Variants in ABL1 observed in about 807,000 individuals in gnomAD.
The protein encoded by ABL1 is tyrosine-protein kinase ABL1.
In ABL1, 11 loss-of-function variants were observed where a neutral mutation model predicts 94.7. The observed-to-expected ratio is 0.12, with a 90% CI of 0.07 to 0.19. The LOEUF (loss-of-function observed/expected upper bound fraction) is 0.19, where lower values mean the gene tolerates loss of function less well. ABL1 is among the 10% of genes least tolerant of loss of function. The pLI, the probability that ABL1 is intolerant of heterozygous loss-of-function variation, is 1.00. For missense variants in ABL1, 1,082 were observed against 1,489.4 expected (o/e 0.73, Z 4.50); for synonymous variants, 656 against 622.4 (o/e 1.05, Z -0.80).
At chr9:130,851,687 A>G (rs1292267042) in intron 1 of ABL1, among the ~76,000 whole-genome samples, 1 of 151,854 alleles carries the variant, frequency 6.6e-6, no homozygotes, top group Non-Finnish European at 1.5e-5. Flanking sequence ...AAACTAAAAC[A>G]ATTTTGTTAC....
rs550748146 is a variant in ABL1, at chr9:130,721,341, G to A, written c.136+6886G>A. On this transcript the variant is annotated intron_variant, in intron 1 of 10. Coordinates refer to the ABL1 transcript ENST00000372348. Reference sequence around the variant, plus strand: ...TGCAGTGAGCCAAGATCATGCCACCGCACTCCAGCCTGGGTGACAGAGCAA... The same window carrying A: ...TGCAGTGAGCCAAGATCATGCCACCACACTCCAGCCTGGGTGACAGAGCAA... 7.2e-5 allele frequency among the ~76,000 whole-genome samples: 11 copies of A among 152,200 alleles called. No individual in the cohort carries two copies. In the South Asian group the frequency reaches 1.2e-3, roughly 17 times the overall value.
At chr9:130,740,421 A>G (rs1035183809) in intron 1 of ABL1, among the ~76,000 whole-genome samples, 2 of 152,214 alleles carry the variant, frequency 1.3e-5, no homozygotes. Context: ...AAAGATTCCA[A>G]AGGCGCCCCA....
intron 1 of ABL1, among the ~76,000 whole-genome samples, chr9:130,723,740 A>G (rs1015001800): frequency 1.3e-5 from 2 of 152,036 alleles, no homozygotes; most frequent in Non-Finnish European, 2.9e-5. Flanking sequence ...AGTATTTCCT[A>G]ATAGTTTTAT....
chr9:130,812,200 C>CAAAAAAAAAAAAAAAAAAAAA (rs35352789), intron 1 of ABL1, among the ~76,000 whole-genome samples: 1 of 48,776 alleles, frequency 2.1e-5, no homozygotes, highest in African/African-American at 6.3e-5. Context: ...TCCATCTCTA[C>CAAAAAAAAAAAAAAAAAAAAA]AAAAAAAAAA....
chr9:130,883,818 GTT>G, intron 10 of ABL1, 149 bp from the exon 11 acceptor site: 1 of 921,736 alleles, frequency 1.1e-6, no homozygotes. Context: ...CAATTTTTTT[GTT>G]TGTTTGTTTG....
intron 1 of ABL1, among the ~76,000 whole-genome samples, chr9:130,747,335 A>G (rs1831900223): frequency 1.3e-5 from 2 of 151,920 alleles, no homozygotes; most frequent in Non-Finnish European, 2.9e-5. Flanking sequence ...CCAAGATTGC[A>G]CCACTGTGCT....
rs558825603 is a variant in ABL1 at position 130,782,729 on chromosome 9, G to A, written c.136+68274G>A. ...TAGCTGCTGCTGCTGCCGCTGTGGT[G>A]GTGACTGTCCTTGCTAAGATGCTGC... On this transcript the variant is annotated intron_variant, in intron 1 of 10. Transcript: ENST00000372348. Among the ~76,000 whole-genome samples the A allele has an allele frequency of 6.6e-5, 10 of 152,294 alleles. No individual in the cohort carries two copies. In the East Asian group the frequency reaches 1.5e-3, roughly 24 times the overall value.
At chr9:130,819,705 C>CT (rs945277209) in intron 1 of ABL1, among the ~76,000 whole-genome samples, 2 of 150,188 alleles carry the variant, frequency 1.3e-5, no homozygotes, top group Non-Finnish European at 3.0e-5. Flanking sequence ...TGCCCGGCTA[C>CT]TTTTTTTTTG....
chr9:130,837,287 T>C (rs1221663702), intron 1 of ABL1, among the ~76,000 whole-genome samples: 2 of 152,212 alleles, frequency 1.3e-5, no homozygotes, highest in African/African-American at 2.4e-5. Flanking sequence ...ACATTCTCAT[T>C]TACATCTGTA....
Position 130,884,672 on chromosome 9 carries a change from T to C in ABL1, c.2382T>C (p.Ala794=), listed in dbSNP as rs1171087746. The C allele has an allele frequency of 1.2e-6, 2 of 1,612,936 alleles. No individual in the cohort carries two copies. The highest frequency in any genetic ancestry group is 8.5e-7 in the Non-Finnish European group (1 of 1,180,006). Residue 794 remains alanine, a synonymous_variant, in exon 11 of 11, where the codon GCT becomes GCC. Coordinates refer to ENST00000318560, the MANE Select transcript of ABL1 (RefSeq NM_005157.6). This position sits in a 1 kb window ranked among gnomAD's most constrained non-coding sequence, Gnocchi z 5.6. ...TGGTGAAAAAGAATGAGGAAGCTGCTGATGAGGTCTTCAAAGACATCATGG... is the reference window on the plus strand; with the variant it reads ...TGGTGAAAAAGAATGAGGAAGCTGCCGATGAGGTCTTCAAAGACATCATGG... ...PRLVKKNEEA[A]DEVFKDIMES...
At chr9:130,806,789 T>G (rs1830132050) in intron 1 of ABL1, among the ~76,000 whole-genome samples, 1 of 152,254 alleles carries the variant, frequency 6.6e-6, no homozygotes, top group Non-Finnish European at 1.5e-5. Context: ...CTTTATTTTT[T>G]TAACATAACA....
chr9:130,746,087 CACTT>C (rs1366461183), intron 1 of ABL1, among the ~76,000 whole-genome samples: 3 of 152,180 alleles, frequency 2.0e-5, no homozygotes, highest in Admixed American at 6.5e-5. Flanking sequence ...CTCAGCTGCT[CACTT>C]ACTAACAGTA....
intron 3 of ABL1, among the ~76,000 whole-genome samples, chr9:130,858,656 C>T (rs546146933): frequency 7.2e-5 from 11 of 152,236 alleles, no homozygotes; most frequent in East Asian, 3.9e-4. Context: ...TGTGGCTCGC[C>T]GCTGAAAAAT....
In ABL1 at chr9:130,884,365, C is replaced by T. The variant is rs1332380683; in HGVS notation, c.2075C>T (p.Thr692Met). Reference sequence around the variant, plus strand: ...CCCCACCTGTGGAAGAAGTCCAGCACGCTGACCAGCAGCCGCCTAGCCACC... The same window carrying T: ...CCCCACCTGTGGAAGAAGTCCAGCATGCTGACCAGCAGCCGCCTAGCCACC... ...RSPHLWKKSS[T>M]LTSSRLATGE... The change falls in exon 11 of 11, where the codon ACG becomes ATG. Residue 692 changes from threonine to methionine, a missense_variant. Physicochemically the swap from Thr to Met is moderately conservative, Grantham distance 81 (BLOSUM62 -1). Coordinates refer to ENST00000318560, the MANE Select transcript of ABL1 (RefSeq NM_005157.6). This position sits in a 1 kb window ranked among gnomAD's most constrained non-coding sequence, Gnocchi z 5.6. 5.3e-5 allele frequency: 85 copies of T among 1,611,834 alleles called. No individual in the cohort carries two copies. The highest frequency in any genetic ancestry group is 6.0e-5 in the Non-Finnish European group (71 of 1,179,798).
intron 1 of ABL1, among the ~76,000 whole-genome samples, chr9:130,778,838 T>C (rs971138484): frequency 1.3e-5 from 2 of 152,018 alleles, no homozygotes; most frequent in African/African-American, 4.8e-5. Flanking sequence ...AGGCATCATT[T>C]CAATTCCTGT....
chr9:130,854,729 A>G (rs1180884672), intron 2 of ABL1, 72 bp from the exon 3 acceptor site: 1 of 1,479,978 alleles, frequency 6.8e-7, no homozygotes, highest in African/African-American at 1.4e-5. Flanking sequence ...TAGTAGTTAC[A>G]CAAGAATCAA....
intron 1 of ABL1, among the ~76,000 whole-genome samples, chr9:130,722,955 A>C (rs1831534932): frequency 6.6e-6 from 1 of 152,224 alleles, no homozygotes; most frequent in East Asian, 1.9e-4. Flanking sequence ...TCCAAGTGTG[A>C]ACACACTGAT....
At chr9:130,729,150 T>C (rs1205861709) in intron 1 of ABL1, among the ~76,000 whole-genome samples, 1 of 152,162 alleles carries the variant, frequency 6.6e-6, no homozygotes, top group South Asian at 2.1e-4. Flanking sequence ...TTAGACTTAA[T>C]GCTTGGCCTT....
chr9:130,833,500 A>T (rs1434702388), upstream of ABL1, among the ~76,000 whole-genome samples: 2 of 152,146 alleles, frequency 1.3e-5, no homozygotes, highest in Admixed American at 6.5e-5. Context: ...CAGATCCTAG[A>T]AAGCATCCAG....
Sources: gnomAD v4.1 joint callset for allele counts (sites outside exome capture counted in the v4.1 genomes callset) on GRCh38, gnomAD v4.1.1 for gene constraint, Gnocchi (gnomAD v3.1) non-coding constraint, MANE v1.5 for transcripts, NCBI Gene and HGNC (gene_info 2026-07-23, HGNC 2026-07-21) for gene names.